The following PLEKHA7 variants were observed in gnomAD, a reference collection of about 807,000 sequenced individuals.
The protein encoded by PLEKHA7 is pleckstrin homology domain containing A7.
In PLEKHA7, 104 loss-of-function variants were observed where a neutral mutation model predicts 170.0. The ratio of observed to expected loss-of-function variants is 0.61; its 90% CI spans 0.52 to 0.72. PLEKHA7 has a LOEUF of 0.72. Ranked by LOEUF, PLEKHA7 falls within the 30% of genes least tolerant of loss-of-function variation. The probability of loss-of-function intolerance (pLI) is 0.00; values close to 1 mark genes in which losing one functional copy is unlikely to be tolerated. For synonymous variants in PLEKHA7, 648 were observed against 660.8 expected, an observed-to-expected ratio of 0.98 and a Z score of 0.30; for missense variants, 1,615 against 1,671.7, an observed-to-expected ratio of 0.97 and a Z score of 0.59.
chr11:16,882,283 T>C (rs892749572), intron 3 of PLEKHA7, among the ~76,000 whole-genome samples: 2 of 152,226 alleles, frequency 1.3e-5, no homozygotes, highest in African/African-American at 4.8e-5. Context: ...TAACTCCTAA[T>C]ACTACCTGTA....
intron 4 of PLEKHA7, among the ~76,000 whole-genome samples, chr11:16,869,471 A>G (rs555300586): frequency 5.3e-5 from 8 of 152,344 alleles, no homozygotes; most frequent in Admixed American, 5.2e-4. Context: ...GTGATGGTCT[A>G]TCTCTCAGGA....
chr11:16,794,666 G>A lies in PLEKHA7; in HGVS notation c.2567C>T (p.Ser856Leu), dbSNP rs1369565599. Residue 856 changes from serine (S) to leucine (L), a missense_variant, in exon 19 of 27, where the codon TCA becomes TTA. Coordinates refer to ENST00000531066, the MANE Select transcript of PLEKHA7 (RefSeq NM_001329630.2). ...LFPHPPVPSL[S>L]TSESKPPPQP... is the part of the protein sequence containing the mutation. ...TGGGGGCGGCTTGCTCTCAGAAGTT[G>A]AGAGTGAAGGCACAGGCGGGTGAGG... 1 of 1,614,120 alleles carries A rather than the reference G, an allele frequency of 6.2e-7. No individual in the cohort carries two copies. Among genetic ancestry groups the A allele is most frequent in the Non-Finnish European group, 8.5e-7 (1 of 1,180,016 alleles).
rs780835159 is a variant in PLEKHA7, at chr11:16,782,772, G to A, written c.3775C>T (p.Arg1259Cys). 46 of 1,535,990 alleles carry A rather than the reference G, an allele frequency of 3.0e-5. No individual in the cohort carries two copies. The Middle Eastern group carries it at 5.0e-4, about 17-fold the overall frequency. Reference sequence around the variant, plus strand: ...GCCTTACCTGCCACCTGCTTGCTACGCTGGGAGGCCTCGGAGGCCAGGGCG... The same window carrying A: ...GCCTTACCTGCCACCTGCTTGCTACACTGGGAGGCCTCGGAGGCCAGGGCG... The part of the protein sequence containing the change: ...SYALASEASQ[R>C]SKQVAAQAVT... The change falls in exon 26 of 27, where the codon CGT becomes TGT. Residue 1259 changes from arginine to cysteine, a missense_variant. Transcript: ENST00000531066.
intron 6 of PLEKHA7, among the ~76,000 whole-genome samples, chr11:16,854,260 T>C (rs1400643255): frequency 1.3e-5 from 2 of 152,166 alleles, no homozygotes; most frequent in East Asian, 3.9e-4. Flanking sequence ...GGGATTCCAA[T>C]GAAGAATGGC....
intron 3 of PLEKHA7, among the ~76,000 whole-genome samples, chr11:16,917,622 C>G (rs550506081): frequency 6.6e-6 from 1 of 152,320 alleles, no homozygotes; most frequent in South Asian, 2.1e-4. Flanking sequence ...TTATAAGGAC[C>G]CTTCTGATTA....
intron 3 of PLEKHA7, among the ~76,000 whole-genome samples, chr11:16,922,662 G>T (rs1859183611): frequency 6.6e-6 from 1 of 152,156 alleles, no homozygotes; most frequent in Admixed American, 6.5e-5. Context: ...TCTTGCCTGA[G>T]TCAGAACAAA....
At chr11:16,873,856 A>ATG (rs1855067166) in intron 3 of PLEKHA7, among the ~76,000 whole-genome samples, 1 of 152,076 alleles carries the variant, frequency 6.6e-6, no homozygotes, top group African/African-American at 2.4e-5. Flanking sequence ...TAGTAGAGGC[A>ATG]GGGTTTCACC....
chr11:16,844,097 G>A (rs1159058778), intron 8 of PLEKHA7, among the ~76,000 whole-genome samples: 3 of 152,096 alleles, frequency 2.0e-5, no homozygotes, highest in African/African-American at 7.2e-5. Context: ...AGGGTTCTGG[G>A]ACAGGTGCCT....
At position 16,789,570 on chromosome 11, in the gene PLEKHA7, T is replaced by C. The variant is rs1445701153; in HGVS notation, c.3156+205A>G. Reference sequence around the variant, plus strand: ...AACCCAGGGTGCAGGCTTCTTGAGCTCCCTCCTGCCACCCTGACAGGCCAG... The same window carrying C: ...AACCCAGGGTGCAGGCTTCTTGAGCCCCCTCCTGCCACCCTGACAGGCCAG... On this transcript the variant is annotated intron_variant, in intron 22 of 26. Transcript: ENST00000531066. The surrounding 1 kb of genome is among the most constrained non-coding windows in gnomAD (Gnocchi z 4.6). 4.8e-6 allele frequency: 3 copies of C among 619,854 alleles called. No individual in the cohort carries two copies. The highest frequency in any genetic ancestry group is 5.6e-6 in the Non-Finnish European group (2 of 355,166). The allele number at this position is 619,854 out of a possible 1,614,324, so 38.4% of individuals were successfully genotyped here. A position where few individuals can be genotyped will look rare whatever the true frequency, so the allele number is the denominator to read the frequency against.
intron 3 of PLEKHA7, among the ~76,000 whole-genome samples, chr11:16,914,569 T>C (rs920462133): frequency 2.0e-5 from 3 of 152,194 alleles, no homozygotes; most frequent in Admixed American, 2.0e-4. Flanking sequence ...GGCCAGACCT[T>C]CCTTCACATC....
At chr11:16,808,743 T>TA (rs1348943842) in intron 13 of PLEKHA7, among the ~76,000 whole-genome samples, 2 of 152,164 alleles carry the variant, frequency 1.3e-5, no homozygotes, top group East Asian at 3.9e-4. Flanking sequence ...AAAGACAACT[T>TA]AAAGTGTCAA....
Position 16,986,183 on chromosome 11 carries a change from T to C in PLEKHA7, c.221+27806A>G, listed in dbSNP as rs368230503. Among the ~76,000 whole-genome samples the C allele has an allele frequency of 1.1e-4, 17 of 152,298 alleles. No individual in the cohort carries two copies. The East Asian group carries it at 2.3e-3, about 21-fold the overall frequency. ...AGAGAAGCCCAAGTCAGGACACCTC[T>C]GAAGGCCCTCATCAGGAAGCATATC... On this transcript the variant is annotated intron_variant, in intron 3 of 26. Transcript: ENST00000531066.
At chr11:16,951,710 A>AACTTGTCAGTTTTC (rs1167178240) in intron 3 of PLEKHA7, among the ~76,000 whole-genome samples, 5 of 152,230 alleles carry the variant, frequency 3.3e-5, no homozygotes, top group Non-Finnish European at 1.5e-5. Flanking sequence ...CTGGGTTAGT[A>AACTTGTCAGTTTTC]ACTTGTCAGT....
intron 3 of PLEKHA7, among the ~76,000 whole-genome samples, chr11:16,911,019 T>C (rs7110592): frequency 0.018 from 2,680 of 152,324 alleles, 86 homozygotes; most frequent in African/African-American, 0.062. Context: ...GAAACATTCC[T>C]ATATCTGATG....
intron 3 of PLEKHA7, among the ~76,000 whole-genome samples, chr11:16,910,810 G>T (rs1186100751): frequency 6.6e-6 from 1 of 152,248 alleles, no homozygotes; most frequent in African/African-American, 2.4e-5. Flanking sequence ...GGAGCAGAAA[G>T]ATGGACTACA....
intron 3 of PLEKHA7, among the ~76,000 whole-genome samples, chr11:16,994,763 C>T (rs1044528704): frequency 1.3e-5 from 2 of 152,160 alleles, no homozygotes; most frequent in African/African-American, 4.8e-5. Context: ...TTCTCAAGAT[C>T]CAGCTCGGGC....
At chr11:16,781,399 AC>A in intron 26 of PLEKHA7, among the ~76,000 whole-genome samples, 1 of 152,064 alleles carries the variant, frequency 6.6e-6, no homozygotes, top group African/African-American at 2.4e-5. Context: ...AGGATGGCAG[AC>A]CCCCTCAGGG....
chr11:16,801,579 C>T (rs1848598941), intron 16 of PLEKHA7, 89 bp downstream of exon 16: 2 of 1,515,536 alleles, frequency 1.3e-6, no homozygotes, highest in Non-Finnish European at 1.8e-6. Context: ...TGCCTCTGGA[C>T]ACCAACTCAA....
At chr11:16,971,443 G>T (rs1201777584) in intron 3 of PLEKHA7, among the ~76,000 whole-genome samples, 1 of 152,174 alleles carries the variant, frequency 6.6e-6, no homozygotes. Context: ...TTTTTTGTTT[G>T]GTTTGATTTC....
Sources: gnomAD v4.1 joint callset for allele counts (sites outside exome capture counted in the v4.1 genomes callset) on GRCh38, gnomAD v4.1.1 for gene constraint, Gnocchi (gnomAD v3.1) non-coding constraint, MANE v1.5 for transcripts, NCBI Gene and HGNC (gene_info 2026-07-23, HGNC 2026-07-21) for gene names.